Variants in LMBR1 observed in about 807,000 individuals in gnomAD.
LMBR1 encodes limb development membrane protein 1.
A neutral mutation model predicts 73.9 loss-of-function variants in LMBR1; 52 were observed. The observed-to-expected ratio is 0.70, with a 90% CI of 0.56 to 0.89. The LOEUF (loss-of-function observed/expected upper bound fraction) is 0.89. Among genes scored for constraint, LMBR1 ranks in the 40% least tolerant of loss-of-function variants. LMBR1 has a pLI of 0.00. For missense variants in LMBR1, 539 were observed against 579.8 expected, an observed-to-expected ratio of 0.93 and a Z score of 0.72; for synonymous variants, 215 against 209.4, an observed-to-expected ratio of 1.03 and a Z score of -0.23.
At chr7:156,812,099 A>G (rs10280474) in intron 4 of LMBR1, among the ~76,000 whole-genome samples, 62,176 of 151,990 alleles carry the variant, frequency 0.41, 12,957 homozygotes, top group East Asian at 0.6. Flanking sequence ...ATGTCTACAA[A>G]GACTGTTATT....
intron 9 of LMBR1, among the ~76,000 whole-genome samples, chr7:156,753,585 G>C (rs1821298581): frequency 6.6e-6 from 1 of 152,106 alleles, no homozygotes; most frequent in South Asian, 2.1e-4. Flanking sequence ...CTAGAGGAAA[G>C]TGGAAAATCA....
intron 1 of LMBR1, among the ~76,000 whole-genome samples, chr7:156,876,536 T>C (rs1048965722): frequency 9.9e-5 from 15 of 152,194 alleles, no homozygotes; most frequent in African/African-American, 3.6e-4. Flanking sequence ...CATCAGAGCA[T>C]GGAACTTTCT....
intron 1 of LMBR1, among the ~76,000 whole-genome samples, chr7:156,862,945 G>A (rs1486289144): frequency 1.3e-5 from 2 of 152,124 alleles, no homozygotes; most frequent in Non-Finnish European, 2.9e-5. Context: ...TCTCCAGCTT[G>A]CCCACTGCAG....
intron 4 of LMBR1, among the ~76,000 whole-genome samples, chr7:156,825,247 A>G (rs1401559907): frequency 2.0e-5 from 3 of 152,258 alleles, no homozygotes; most frequent in African/African-American, 7.2e-5. Context: ...GAGATGAAGA[A>G]ATTGAAATAC....
rs181739418 is a variant in LMBR1, at chr7:156,679,757, G to T, written c.*4321C>A. 1 of 152,198 alleles carries T rather than the reference G, an allele frequency of 6.6e-6. No homozygotes were observed. The highest frequency in any genetic ancestry group is 2.4e-5 in the African/African-American group (1 of 41,510). 9.4% of individuals were successfully genotyped at this position (152,198 alleles called of 1,614,324 possible). A position where few individuals can be genotyped will look rare whatever the true frequency, so the allele number is the denominator to read the frequency against. On this transcript the variant is annotated 3_prime_UTR_variant, in exon 17 of 17. Coordinates refer to ENST00000353442, the MANE Select transcript of LMBR1 (RefSeq NM_022458.4). ...CTCCACAACCACTCACATCAGGGCCGCCCTGCTGTTCATAATCCAGGCTCA... is the reference window on the plus strand; with the variant it reads ...CTCCACAACCACTCACATCAGGGCCTCCCTGCTGTTCATAATCCAGGCTCA...
rs778774188 is a variant in LMBR1 at position 156,734,247 on chromosome 7, T to A, written c.768A>T (p.Ser256=). The change falls in exon 10 of 17, where the codon TCA becomes TCT. Residue 256 remains serine, a synonymous_variant. Transcript: ENST00000353442. Reference sequence around the variant, plus strand: ...ACTCCATTATGTTGTATTCCACCGATGAAGACAGCCCTGTTCAAAGCAAAA... The same window carrying A: ...ACTCCATTATGTTGTATTCCACCGAAGAAGACAGCCCTGTTCAAAGCAAAA... ...ALQRRLNGLS[S]SVEYNIMELE... is the part of the protein sequence containing the mutation. 6.2e-7 allele frequency: 1 copy of A among 1,610,058 alleles called. No homozygotes were observed. The highest frequency in any genetic ancestry group is 8.5e-7 in the Non-Finnish European group (1 of 1,178,468).
Position 156,720,167 on chromosome 7 carries a change from C to A in LMBR1, c.1225+3945G>T, listed in dbSNP as rs373578095. 2.0e-3 allele frequency among the ~76,000 whole-genome samples: 298 copies of A among 151,624 alleles called. 1 individual carries two copies. Among genetic ancestry groups the A allele is most frequent in the Non-Finnish European group, 3.4e-3 (234 of 67,852 alleles). Reference sequence around the variant, plus strand: ...AGAAACTACCATCAGAGTGAACAGGCAACCTACAAAATGGGAGAAAATTTT... The same window carrying A: ...AGAAACTACCATCAGAGTGAACAGGAAACCTACAAAATGGGAGAAAATTTT... On this transcript the variant is annotated intron_variant, in intron 15 of 16. Coordinates refer to ENST00000353442, the MANE Select transcript of LMBR1 (RefSeq NM_022458.4).
rs1837101668 is a variant in LMBR1 at position 156,833,762 on chromosome 7, T to C, written c.170A>G (p.Asn57Ser). Reference sequence around the variant, plus strand: ...ACTTTAAAATACATACGAAATCCTGTTGACGATGGCATCTTCATCTTCTTG... The same window carrying C: ...ACTTTAAAATACATACGAAATCCTGCTGACGATGGCATCTTCATCTTCTTG... ...DEQEDEDAIV[N>S]RISLFLSTFT... Residue 57 changes from asparagine to serine, a missense_variant, in exon 3 of 17, where the codon AAC becomes AGC. Transcript: ENST00000353442. 9 of 1,600,584 alleles carry C rather than the reference T, an allele frequency of 5.6e-6. No homozygotes were observed. Among genetic ancestry groups the C allele is most frequent in the Admixed American group, 1.7e-5 (1 of 57,786 alleles).
At chr7:156,868,811 T>C (rs1182578429) in intron 1 of LMBR1, among the ~76,000 whole-genome samples, 1 of 151,808 alleles carries the variant, frequency 6.6e-6, no homozygotes, top group Non-Finnish European at 1.5e-5. Flanking sequence ...ACAAAAAATA[T>C]AAAACTTAGC....
At chr7:156,858,890 TA>T (rs922357142) in intron 1 of LMBR1, among the ~76,000 whole-genome samples, 5 of 149,128 alleles carry the variant, frequency 3.4e-5, no homozygotes, top group African/African-American at 4.9e-5. Flanking sequence ...AACCTGTGAA[TA>T]AAAAAAAAAT....
chr7:156,806,406 A>G (rs752771694), intron 4 of LMBR1, among the ~76,000 whole-genome samples: 13 of 152,046 alleles, frequency 8.6e-5, no homozygotes, highest in Non-Finnish European at 1.9e-4. Flanking sequence ...CGCATAGAAA[A>G]TATCATCTGT....
At chr7:156,776,332 A>C (rs868660359) in intron 5 of LMBR1, among the ~76,000 whole-genome samples, 1 of 152,030 alleles carries the variant, frequency 6.6e-6, no homozygotes, top group Non-Finnish European at 1.5e-5. Context: ...CTACAAACCT[A>C]TAAGAAGCAG....
intron 15 of LMBR1, among the ~76,000 whole-genome samples, chr7:156,707,761 CA>C (rs1243687258): frequency 6.6e-6 from 1 of 152,040 alleles, no homozygotes. Flanking sequence ...AGCCAAAAAT[CA>C]TAAGAACTGG....
chr7:156,880,386 C>G (rs1800901950), intron 1 of LMBR1, among the ~76,000 whole-genome samples: 1 of 152,080 alleles, frequency 6.6e-6, no homozygotes, highest in Non-Finnish European at 1.5e-5. Context: ...AGACTACAAA[C>G]TGGATTCAGT....
Position 156,753,716 on chromosome 7 carries a change from C to T in LMBR1, c.757+2677G>A, listed in dbSNP as rs537433028. Among the ~76,000 whole-genome samples the T allele has an allele frequency of 2.6e-5, 4 of 152,152 alleles. No homozygotes were observed. In the South Asian group the frequency reaches 8.3e-4, roughly 32 times the overall value. On this transcript the variant is annotated intron_variant, in intron 9 of 16. Transcript: ENST00000353442. ...ATGTACCCATTAGTCCTGACAGTCC[C>T]AAAGCAGACGGCAGAGGGGAGGCTG... is the stretch of plus-strand genomic sequence containing the variant.
chr7:156,837,335 C>CA (rs61161222), intron 1 of LMBR1, among the ~76,000 whole-genome samples: 4,141 of 101,430 alleles, frequency 0.041, 105 homozygotes, highest in South Asian at 0.11. Flanking sequence ...GACTCCATCT[C>CA]AAAAAAAAAA....
intron 9 of LMBR1, among the ~76,000 whole-genome samples, chr7:156,748,374 A>C (rs1361069431): frequency 1.3e-5 from 2 of 152,164 alleles, no homozygotes; most frequent in Non-Finnish European, 2.9e-5. Context: ...TGTTAAGATA[A>C]TTTTTAAACT....
chr7:156,709,896 A>ATTTTTTTTTTTTTTTTTTT (rs34487923), intron 15 of LMBR1, among the ~76,000 whole-genome samples: 6 of 90,356 alleles, frequency 6.6e-5, no homozygotes, highest in East Asian at 3.4e-4. Context: ...CAGAAGGTTG[A>ATTTTTTTTTTTTTTTTTTT]TTTTTTTTTT....
At chr7:156,818,001 C>G (rs1259596151) in intron 4 of LMBR1, among the ~76,000 whole-genome samples, 1 of 152,122 alleles carries the variant, frequency 6.6e-6, no homozygotes, top group African/African-American at 2.4e-5. Flanking sequence ...ATAAACAATA[C>G]CTCAATATCC....
Sources: gnomAD v4.1 joint callset for allele counts (sites outside exome capture counted in the v4.1 genomes callset) on GRCh38, gnomAD v4.1.1 for gene constraint, MANE v1.5 for transcripts, NCBI Gene and HGNC (gene_info 2026-07-23, HGNC 2026-07-21) for gene names.